KAT14: variants seen among roughly 807,000 people sequenced by gnomAD.
KAT14 encodes cysteine-rich protein 2-binding protein.
In KAT14, 66 loss-of-function variants were observed where a neutral mutation model predicts 78.4. The ratio of observed to expected loss-of-function variants is 0.84; its 90% CI spans 0.69 to 1.03. The LOEUF (loss-of-function observed/expected upper bound fraction) is 1.03, where lower values mean the gene tolerates loss of function less well. Ranked by LOEUF, KAT14 falls within the 50% of genes least tolerant of loss-of-function variation. The probability of loss-of-function intolerance (pLI) is 0.00; values close to 1 mark genes in which losing one functional copy is unlikely to be tolerated. For synonymous variants in KAT14, 344 were observed against 359.4 expected (o/e 0.96, Z 0.48); for missense variants, 870 against 972.5 (o/e 0.89, Z 1.40).
At chr20:18,145,107 A>G (rs2037775114) in intron 2 of KAT14, 126 bp from the exon 3 acceptor site, 11 of 1,427,048 alleles carry the variant, frequency 7.7e-6, no homozygotes, top group East Asian at 7.6e-5. Context: ...CCATTTTGCA[A>G]TTGTGGGTTG....
intron 1 of KAT14, among the ~76,000 whole-genome samples, chr20:18,139,556 A>G (rs1457895609): frequency 6.6e-6 from 1 of 152,136 alleles, no homozygotes; most frequent in Non-Finnish European, 1.5e-5. Flanking sequence ...AGAGAATTTT[A>G]ACACAGGACT....
At chr20:18,166,130 C>T (rs2038631251) in intron 7 of KAT14, among the ~76,000 whole-genome samples, 1 of 152,174 alleles carries the variant, frequency 6.6e-6, no homozygotes, top group Non-Finnish European at 1.5e-5. Flanking sequence ...TCAGCAAGGC[C>T]ATCTTTTCTT....
At position 18,162,770 on chromosome 20, in the gene KAT14, A is replaced by T. The variant is rs150608745; in HGVS notation, c.1493A>T (p.Gln498Leu). The T allele has an allele frequency of 1.2e-6, 2 of 1,614,136 alleles. No homozygotes were observed. The highest frequency in any genetic ancestry group is 2.7e-5 in the African/African-American group (2 of 74,934). The change falls in exon 7 of 11, where the codon CAA becomes CTA. Residue 498 changes from glutamine to leucine, a missense_variant. By Grantham distance (113) the Gln-to-Leu change is moderately radical. Coordinates refer to ENST00000688188, the MANE Select transcript of KAT14 (RefSeq NM_001392073.1). ...RRLKRKLIVRQAKRDRGLPLF... is the reference protein window; with the variant it reads ...RRLKRKLIVRLAKRDRGLPLF... ...CTGAAACGCAAACTGATTGTCAGAC[A>T]AGCGAAAAGGGATAGGGGATTACCA...
rs1480644676 is a variant in KAT14 at position 18,162,775 on chromosome 20, A to G, written c.1498A>G (p.Lys500Glu). 1 of 1,614,238 alleles carries G rather than the reference A, an allele frequency of 6.2e-7. No individual in the cohort carries two copies. Residue 500 changes from lysine to glutamate, a missense_variant, in exon 7 of 11, where the codon AAA (lysine) becomes GAA (glutamate). Coordinates refer to ENST00000688188, the MANE Select transcript of KAT14 (RefSeq NM_001392073.1). ...LKRKLIVRQA[K>E]RDRGLPLFDL... ...ACGCAAACTGATTGTCAGACAAGCG[A>G]AAAGGGATAGGGGATTACCACTTTT...
rs2039270490 is a variant in KAT14, at chr20:18,181,863, A to C, written c.1805+17A>C. On this transcript the variant is annotated intron_variant, in intron 8 of 10. Transcript: ENST00000688188. ...TTATATCAGGTATATGGAGAACTAG[A>C]GGTGTGATGTCAGGTGTGTCATGAG... The C allele has an allele frequency of 2.5e-6, 4 of 1,613,200 alleles. No homozygotes were observed. Among genetic ancestry groups the C allele is most frequent in the Non-Finnish European group, 3.4e-6 (4 of 1,179,628 alleles).
intron 7 of KAT14, among the ~76,000 whole-genome samples, chr20:18,177,788 T>G (rs1257202792): frequency 6.6e-6 from 1 of 152,216 alleles, no homozygotes; most frequent in Non-Finnish European, 1.5e-5. Flanking sequence ...ATTTCTTTGC[T>G]ATAAAGCCCT....
intron 7 of KAT14, among the ~76,000 whole-genome samples, chr20:18,175,040 C>T (rs2038986450): frequency 6.8e-6 from 1 of 147,120 alleles, no homozygotes; most frequent in Non-Finnish European, 1.5e-5. Context: ...GTGTTTTCAG[C>T]TACCTTTGCT....
At chr20:18,146,863 A>G (rs947769885) in intron 3 of KAT14, among the ~76,000 whole-genome samples, 1 of 151,792 alleles carries the variant, frequency 6.6e-6, no homozygotes, top group African/African-American at 2.4e-5. Context: ...AAAAAAAATT[A>G]TATATTACTT....
chr20:18,156,028 TATAC>T (rs2038212393), intron 4 of KAT14, among the ~76,000 whole-genome samples: 1 of 152,204 alleles, frequency 6.6e-6, no homozygotes, highest in South Asian at 2.1e-4. Context: ...AAATGTGGCA[TATAC>T]ATACAGTGGA....
chr20:18,152,809 G>A (rs999459588), intron 4 of KAT14, among the ~76,000 whole-genome samples: 1 of 152,290 alleles, frequency 6.6e-6, no homozygotes, highest in South Asian at 2.1e-4. Context: ...CATGTGGCTT[G>A]TTCATTGGTC....
At position 18,142,753 on chromosome 20, in the gene KAT14, A is replaced by G. The variant is rs755322355; in HGVS notation, c.93A>G (p.Glu31=). The change falls in exon 2 of 11, where the codon GAA becomes GAG. Residue 31 remains glutamate (E), a synonymous_variant. Coordinates refer to ENST00000688188, the MANE Select transcript of KAT14 (RefSeq NM_001392073.1). The part of the protein sequence containing the change: ...TSTSEGLEEG[E]VEGETLLIVE... Reference sequence around the variant, plus strand: ...CCTCAGAAGGACTGGAGGAAGGTGAAGTGGAGGGAGAGACGCTCCTGATCG... The same window carrying G: ...CCTCAGAAGGACTGGAGGAAGGTGAGGTGGAGGGAGAGACGCTCCTGATCG... 5 of 1,614,244 alleles carry G rather than the reference A, an allele frequency of 3.1e-6. No individual in the cohort carries two copies. In the South Asian group the frequency reaches 5.5e-5, roughly 18 times the overall value.
intron 8 of KAT14, among the ~76,000 whole-genome samples, chr20:18,182,836 CT>C (rs2039310233): frequency 6.6e-6 from 1 of 152,164 alleles, no homozygotes; most frequent in Non-Finnish European, 1.5e-5. Flanking sequence ...ATCCTCATGT[CT>C]GACTCCTTGG....
intron 7 of KAT14, among the ~76,000 whole-genome samples, chr20:18,179,311 G>T (rs536950255): frequency 6.6e-6 from 1 of 152,324 alleles, no homozygotes; most frequent in Admixed American, 6.5e-5. Flanking sequence ...TGCCCCAGTA[G>T]GGACTCTGTG....
chr20:18,141,351 C>T (rs148394005), intron 1 of KAT14, among the ~76,000 whole-genome samples: 2,044 of 151,900 alleles, frequency 0.013, 19 homozygotes, highest in South Asian at 0.019. Flanking sequence ...TTATTTTTTC[C>T]GCTGGTAGTA....
chr20:18,153,116 G>C (rs922622424), intron 4 of KAT14, among the ~76,000 whole-genome samples: 4 of 152,146 alleles, frequency 2.6e-5, no homozygotes, highest in Non-Finnish European at 4.4e-5. Flanking sequence ...GATCACTTCA[G>C]GTCAGGGCAG....
chr20:18,162,812 A>T lies in KAT14; in HGVS notation c.1535A>T (p.Gln512Leu). 3 of 1,614,220 alleles carry T rather than the reference A, an allele frequency of 1.9e-6. No homozygotes were observed. Among genetic ancestry groups the T allele is most frequent in the Non-Finnish European group, 2.5e-6 (3 of 1,180,038 alleles). Residue 512 changes from glutamine to leucine, a missense_variant, in exon 7 of 11, where the codon CAA becomes CTA. By Grantham distance (113) the Gln-to-Leu change is moderately radical. Coordinates refer to ENST00000688188, the MANE Select transcript of KAT14 (RefSeq NM_001392073.1). ...DRGLPLFDLD[Q>L]VVNAALLLVD... ...GGATTACCACTTTTTGACTTGGATCAAGTTGTTAATGCTGCTCTTTTGTTA... is the reference window on the plus strand; with the variant it reads ...GGATTACCACTTTTTGACTTGGATCTAGTTGTTAATGCTGCTCTTTTGTTA...
rs201116564 is a variant in KAT14, at chr20:18,162,812, A to G, written c.1535A>G (p.Gln512Arg). 2 of 1,614,220 alleles carry G rather than the reference A, an allele frequency of 1.2e-6. No individual in the cohort carries two copies. Among genetic ancestry groups the G allele is most frequent in the Non-Finnish European group, 1.7e-6 (2 of 1,180,038 alleles). The change falls in exon 7 of 11, where the codon CAA (glutamine) becomes CGA (arginine). Residue 512 changes from glutamine (Q) to arginine (R), a missense_variant. By Grantham distance (43) the Gln-to-Arg change is conservative. Coordinates refer to ENST00000688188, the MANE Select transcript of KAT14 (RefSeq NM_001392073.1). The part of the protein sequence containing the change: ...DRGLPLFDLD[Q>R]VVNAALLLVD... ...GGATTACCACTTTTTGACTTGGATCAAGTTGTTAATGCTGCTCTTTTGTTA... is the reference window on the plus strand; with the variant it reads ...GGATTACCACTTTTTGACTTGGATCGAGTTGTTAATGCTGCTCTTTTGTTA...
intron 1 of KAT14, 105 bp downstream of exon 1, chr20:18,138,156 T>C: frequency 7.5e-7 from 1 of 1,332,966 alleles, no homozygotes. Flanking sequence ...TTCGTGTCTT[T>C]CCCCCGCGGT....
intron 4 of KAT14, among the ~76,000 whole-genome samples, chr20:18,153,188 A>T (rs1250162778): frequency 6.6e-6 from 1 of 152,194 alleles, no homozygotes; most frequent in African/African-American, 2.4e-5. Context: ...GAAGCTGAGG[A>T]ATCACAGCTT....
Sources: allele counts gnomAD v4.1 joint callset (sites outside exome capture counted in the v4.1 genomes callset), GRCh38; gene constraint gnomAD v4.1.1; transcripts MANE v1.5; gene names NCBI Gene and HGNC (gene_info 2026-07-23, HGNC 2026-07-21).